XRRA1: variants seen among roughly 807,000 people sequenced by gnomAD.
The protein encoded by XRRA1 is X-ray radiation resistance associated 1.
XRRA1 carries 69 observed loss-of-function variants against 80.2 expected under a neutral mutation model. That is an observed-to-expected ratio of 0.86 (90% CI 0.71 to 1.05). XRRA1 has a LOEUF of 1.05. XRRA1 is among the 50% of genes least tolerant of loss of function. The pLI, the probability that XRRA1 is intolerant of heterozygous loss-of-function variation, is 0.00. For synonymous variants in XRRA1, 348 were observed against 389.9 expected, an observed-to-expected ratio of 0.89 and a Z score of 1.27; for missense variants, 967 against 976.4, an observed-to-expected ratio of 0.99 and a Z score of 0.13.
intron 8 of XRRA1, among the ~76,000 whole-genome samples, chr11:74,911,838 C>T (rs2055966547): frequency 6.6e-6 from 1 of 152,180 alleles, no homozygotes; most frequent in African/African-American, 2.4e-5. Context: ...ATATACTTAT[C>T]CTGTTGAAAC....
At chr11:74,901,961 A>T (rs2053636758) in intron 10 of XRRA1, among the ~76,000 whole-genome samples, 1 of 152,240 alleles carries the variant, frequency 6.6e-6, no homozygotes, top group South Asian at 2.1e-4. Context: ...AACAAAGGAA[A>T]TAATCAACAA....
At chr11:74,889,002 T>C (rs1009270960) in intron 10 of XRRA1, among the ~76,000 whole-genome samples, 34 of 152,202 alleles carry the variant, frequency 2.2e-4, no homozygotes, top group Admixed American at 5.9e-4. Flanking sequence ...CCAGGAGAAC[T>C]TCCCCAACCT....
intron 7 of XRRA1, among the ~76,000 whole-genome samples, chr11:74,924,697 G>A (rs1941809214): frequency 6.6e-6 from 1 of 151,982 alleles, no homozygotes; most frequent in Admixed American, 6.6e-5. Flanking sequence ...GCTGGGTGTG[G>A]TGGTGCACAC....
intron 10 of XRRA1, among the ~76,000 whole-genome samples, chr11:74,900,720 A>C (rs1206796783): frequency 6.6e-6 from 1 of 152,256 alleles, no homozygotes; most frequent in Non-Finnish European, 1.5e-5. Flanking sequence ...GATCATTTCA[A>C]TTGATGCTGA....
chr11:74,912,591 T>G (rs1325672664), intron 8 of XRRA1, among the ~76,000 whole-genome samples: 2 of 152,184 alleles, frequency 1.3e-5, no homozygotes, highest in Non-Finnish European at 2.9e-5. Context: ...TTGCAGAGAC[T>G]GAAGACTAGC....
At chr11:74,906,585 G>C in intron 9 of XRRA1, 129 bp from the exon 10 acceptor site, 1 of 1,006,930 alleles carries the variant, frequency 9.9e-7, no homozygotes, top group Middle Eastern at 3.2e-4. Flanking sequence ...ACGTTGAGCC[G>C]GTGACTTACT....
Position 74,842,759 on chromosome 11 carries a change from T to C in XRRA1, c.*441A>G, listed in dbSNP as rs541945200. 5.6e-6 allele frequency: 1 copy of C among 179,350 alleles called. No individual in the cohort carries two copies. The highest frequency in any genetic ancestry group is 1.5e-4 in the East Asian group (1 of 6,768). The allele number at this position is 179,350 out of a possible 1,614,324, so 11.1% of individuals were successfully genotyped here. A position where few individuals can be genotyped will look rare whatever the true frequency, so the allele number is the denominator to read the frequency against. ...TGACACTGTCCCTGCACATTAGGGCTGTACTCACAAGATCTGGTTTTTAAA... is the reference window on the plus strand; with the variant it reads ...TGACACTGTCCCTGCACATTAGGGCCGTACTCACAAGATCTGGTTTTTAAA... On this transcript the variant is annotated 3_prime_UTR_variant, in exon 19 of 19. Coordinates refer to ENST00000684022, the MANE Select transcript of XRRA1 (RefSeq NM_001378157.1).
chr11:74,859,319 GATA>G, intron 11 of XRRA1, 36 bp from the exon 12 acceptor site: 3 of 1,579,220 alleles, frequency 1.9e-6, no homozygotes, highest in African/African-American at 2.7e-5. Context: ...CAAAGTGCCC[GATA>G]ATAAATAAGG....
At chr11:74,922,073 CG>C (rs1940980418) in intron 7 of XRRA1, among the ~76,000 whole-genome samples, 1 of 151,764 alleles carries the variant, frequency 6.6e-6, no homozygotes, top group South Asian at 2.1e-4. Flanking sequence ...CTGGCTAACA[CG>C]GTGAAACCCC....
At chr11:74,851,307 C>T (rs2039777998) in intron 13 of XRRA1, 104 bp from the exon 14 acceptor site, 1 of 790,312 alleles carries the variant, frequency 1.3e-6, no homozygotes, top group Admixed American at 3.2e-5. Context: ...ATTACTGAAA[C>T]TTATTCTCAA....
chr11:74,871,305 T>C (rs1590807802), intron 10 of XRRA1, among the ~76,000 whole-genome samples: 1 of 152,254 alleles, frequency 6.6e-6, no homozygotes, highest in African/African-American at 2.4e-5. Context: ...GGGAAAACAG[T>C]TGGGGGATGC....
At chr11:74,879,372 A>G (rs1453523395) in intron 10 of XRRA1, among the ~76,000 whole-genome samples, 17 of 152,244 alleles carry the variant, frequency 1.1e-4, no homozygotes, top group Non-Finnish European at 2.4e-4. Flanking sequence ...GGGCTGAGAC[A>G]ATGGGGTTTT....
chr11:74,852,173 T>C, intron 12 of XRRA1, 91 bp from the exon 13 acceptor site: 7 of 1,058,234 alleles, frequency 6.6e-6, no homozygotes, highest in Non-Finnish European at 1.0e-5. Context: ...GGCTACATGC[T>C]TGCTAGGATT....
At chr11:74,932,963 A>G (rs535392590) in intron 5 of XRRA1, among the ~76,000 whole-genome samples, 97 of 152,324 alleles carry the variant, frequency 6.4e-4, no homozygotes, top group African/African-American at 2.3e-3. Flanking sequence ...CAACATACCA[A>G]AGATGTATGT....
intron 2 of XRRA1, among the ~76,000 whole-genome samples, chr11:74,942,813 T>G (rs1946592198): frequency 6.6e-6 from 1 of 152,266 alleles, no homozygotes; most frequent in Non-Finnish European, 1.5e-5. Flanking sequence ...TAACTCATGC[T>G]GCTCATTTTC....
At chr11:74,876,983 T>G (rs1423340765) in intron 10 of XRRA1, 1 of 152,220 alleles carries the variant, frequency 6.6e-6, no homozygotes, top group Non-Finnish European at 1.5e-5. Context: ...TCTTGGTGAG[T>G]AAAATTTAAG....
At position 74,848,232 on chromosome 11, in the gene XRRA1, G is replaced by T; in HGVS notation, c.1611C>A (p.Asn537Lys). 6.2e-7 allele frequency: 1 copy of T among 1,613,976 alleles called. No homozygotes were observed. Among genetic ancestry groups the T allele is most frequent in the Non-Finnish European group, 8.5e-7 (1 of 1,179,868 alleles). The change falls in exon 15 of 19, where the codon AAC becomes AAA. Residue 537 changes from asparagine to lysine, a missense_variant. Asn to Lys is a moderately conservative substitution (Grantham distance 94). Coordinates refer to ENST00000684022, the MANE Select transcript of XRRA1 (RefSeq NM_001378157.1). ...GGGTCTCTTCACTATGCACAGTGGA[G>T]TTGGAGCAGATGGGAGGCAGTGGCA... is the stretch of plus-strand genomic sequence containing the variant. ...TFVPLPPICS[N>K]STVHSEETLS...
chr11:74,851,077 G>C lies in XRRA1; in HGVS notation c.1380+11C>G. 6.2e-7 allele frequency: 1 copy of C among 1,602,626 alleles called. No individual in the cohort carries two copies. The highest frequency in any genetic ancestry group is 2.2e-5 in the East Asian group (1 of 44,686). ...TTCCTGGGGGTGGGAGTCCTGCCTT[G>C]GAAGCCCTACCTTCCATGATTCCTT... On this transcript the variant is annotated intron_variant, in intron 14 of 18. Transcript: ENST00000684022.
intron 8 of XRRA1, among the ~76,000 whole-genome samples, chr11:74,915,849 G>T (rs1938483524): frequency 6.6e-6 from 1 of 152,112 alleles, no homozygotes; most frequent in Admixed American, 6.5e-5. Flanking sequence ...GGGCGGGACT[G>T]GTGGTAATGA....
Sources: allele counts gnomAD v4.1 joint callset (sites outside exome capture counted in the v4.1 genomes callset), GRCh38; gene constraint gnomAD v4.1.1; transcripts MANE v1.5; gene names NCBI Gene and HGNC (gene_info 2026-07-23, HGNC 2026-07-21).